The following FOXN3 variants were observed in gnomAD, a reference collection of about 807,000 sequenced individuals.
FOXN3 encodes the protein forkhead box N3.
FOXN3 carries 7 observed loss-of-function variants against 38.4 expected under a neutral mutation model. The observed-to-expected ratio is 0.18, with a 90% CI of 0.10 to 0.34. The LOEUF is 0.34. Among genes scored for constraint, FOXN3 ranks in the 10% least tolerant of loss-of-function variants. The pLI, the probability that FOXN3 is intolerant of heterozygous loss-of-function variation, is 1.00. For missense variants in FOXN3, 456 were observed against 613.4 expected, an observed-to-expected ratio of 0.74 and a Z score of 2.71; for synonymous variants, 230 against 242.2, an observed-to-expected ratio of 0.95 and a Z score of 0.47.
intron 1 of FOXN3, among the ~76,000 whole-genome samples, chr14:89,581,250 G>C (rs1383483117): frequency 6.6e-6 from 1 of 152,040 alleles, no homozygotes; most frequent in African/African-American, 2.4e-5. Context: ...GGGAGGCTGA[G>C]GGGGGAGTAT....
chr14:89,321,999 T>G, intron 3 of FOXN3, among the ~76,000 whole-genome samples: 1 of 152,192 alleles, frequency 6.6e-6, no homozygotes, highest in East Asian at 1.9e-4. Context: ...TCATTTCAAA[T>G]CCTTTTACCC....
chr14:89,486,945 A>G (rs1047816367), intron 1 of FOXN3, among the ~76,000 whole-genome samples: 1 of 152,174 alleles, frequency 6.6e-6, no homozygotes, highest in Admixed American at 6.5e-5. Flanking sequence ...TTTTGCTACA[A>G]CTGCCATTGA....
At chr14:89,604,802 G>A (rs1032310161) in intron 1 of FOXN3, among the ~76,000 whole-genome samples, 9 of 152,190 alleles carry the variant, frequency 5.9e-5, no homozygotes, top group African/African-American at 1.4e-4. Context: ...TACTCTTGGA[G>A]AAAGAATACC....
At chr14:89,541,606 C>T (rs573804416) in intron 1 of FOXN3, among the ~76,000 whole-genome samples, 6 of 152,294 alleles carry the variant, frequency 3.9e-5, no homozygotes, top group African/African-American at 1.2e-4. Context: ...CAGCCAGCAG[C>T]CCTCGCAGCT....
chr14:89,274,356 C>CTA (rs1886237662), intron 4 of FOXN3, among the ~76,000 whole-genome samples: 1 of 152,152 alleles, frequency 6.6e-6, no homozygotes, highest in African/African-American at 2.4e-5. Flanking sequence ...TGGAATATAC[C>CTA]TATGAGAATG....
intron 4 of FOXN3, chr14:89,183,933 A>C (rs1887738050): frequency 6.6e-6 from 1 of 152,180 alleles, no homozygotes. Flanking sequence ...TGGGGGACAA[A>C]AATGATATTT....
chr14:89,419,691 G>A (rs1891851488), upstream of FOXN3: 1 of 153,212 alleles, frequency 6.5e-6, no homozygotes, highest in African/African-American at 2.4e-5. Flanking sequence ...ATCAGCGTGG[G>A]ACCTCAGTTC....
rs1896217881 is a variant in FOXN3, at chr14:89,604,223, ACACAC to A, written c.-15+14800_-15+14804del. Among the ~76,000 whole-genome samples, 3 of 148,112 alleles carry A rather than the reference ACACAC, an allele frequency of 2.0e-5. No homozygotes were observed. In the South Asian group the frequency reaches 6.4e-4, roughly 32 times the overall value. ...CAAAACAAAACACACACACACACAC[ACACAC>A]ACACACACACACGTGCGCGCACACA... On this transcript the variant is annotated intron_variant, in intron 1 of 6. Coordinates refer to the FOXN3 transcript ENST00000345097.
Position 89,167,508 on chromosome 14 carries a change from T to C in FOXN3, c.852-4539A>G, listed in dbSNP as rs7161636. 2.5e-3 allele frequency among the ~76,000 whole-genome samples: 375 copies of C among 152,310 alleles called. 5 individuals carry two copies. The highest frequency in any genetic ancestry group is 8.7e-3 in the African/African-American group (360 of 41,576). The stretch of plus-strand genomic sequence containing the variant: ...AAATGTGAAAAGTAGATGGGATTAA[T>C]GGGATTGTAGAAGCAGGGGACTGGA... On this transcript the variant is annotated intron_variant, in intron 5 of 5. Coordinates refer to ENST00000557258, the MANE Select transcript of FOXN3 (RefSeq NM_005197.4).
chr14:89,224,552 C>T (rs1735670951), intron 4 of FOXN3, among the ~76,000 whole-genome samples: 1 of 152,190 alleles, frequency 6.6e-6, no homozygotes, highest in Non-Finnish European at 1.5e-5. Context: ...TCAATAACAA[C>T]TTATTGAGGC....
intron 4 of FOXN3, among the ~76,000 whole-genome samples, chr14:89,224,902 G>T (rs535501117): frequency 6.6e-6 from 1 of 150,814 alleles, no homozygotes; most frequent in Non-Finnish European, 1.5e-5. Flanking sequence ...AGGCCGAGGC[G>T]GGCGGATCAC....
At chr14:89,531,520 C>T (rs943616338) in intron 1 of FOXN3, among the ~76,000 whole-genome samples, 1 of 152,198 alleles carries the variant, frequency 6.6e-6, no homozygotes, top group African/African-American at 2.4e-5. Flanking sequence ...TTCTTTAGGA[C>T]TTTCTCTTTC....
chr14:89,553,122 C>G (rs1895040482), intron 1 of FOXN3, among the ~76,000 whole-genome samples: 1 of 151,628 alleles, frequency 6.6e-6, no homozygotes, highest in African/African-American at 2.4e-5. Context: ...GCCTGTGGTC[C>G]CAGCTACTAG....
intron 1 of FOXN3, among the ~76,000 whole-genome samples, chr14:89,451,578 G>A (rs781222312): frequency 6.6e-5 from 10 of 152,166 alleles, no homozygotes; most frequent in Non-Finnish European, 1.2e-4. Flanking sequence ...GTCAGCTTGA[G>A]AACTGGTCAG....
At chr14:89,365,133 G>A (rs1402165851) in intron 2 of FOXN3, among the ~76,000 whole-genome samples, 6 of 152,050 alleles carry the variant, frequency 3.9e-5, no homozygotes, top group South Asian at 2.1e-4. Context: ...TCTCTGTTCC[G>A]TTACTCACTA....
At chr14:89,431,999 G>A (rs1221897550) in intron 1 of FOXN3, among the ~76,000 whole-genome samples, 1 of 152,230 alleles carries the variant, frequency 6.6e-6, no homozygotes, top group Non-Finnish European at 1.5e-5. Context: ...ACAGGCGTGA[G>A]CCACCACGCC....
At chr14:89,171,394 A>T (rs1256702546) in intron 5 of FOXN3, among the ~76,000 whole-genome samples, 1 of 152,214 alleles carries the variant, frequency 6.6e-6, no homozygotes, top group African/African-American at 2.4e-5. Context: ...ATAAACTCTG[A>T]AAGAATGAAT....
intron 4 of FOXN3, among the ~76,000 whole-genome samples, chr14:89,279,626 A>T (rs900796505): frequency 6.6e-6 from 1 of 152,208 alleles, no homozygotes; most frequent in Non-Finnish European, 1.5e-5. Flanking sequence ...AACAGAATAG[A>T]TTTTTTTAAA....
At chr14:89,209,057 G>A (rs970841298) in intron 4 of FOXN3, among the ~76,000 whole-genome samples, 5 of 152,202 alleles carry the variant, frequency 3.3e-5, no homozygotes, top group Non-Finnish European at 5.9e-5. Flanking sequence ...ACCTTCCACG[G>A]ATATTTGGAA....
Sources: gnomAD v4.1 joint callset for allele counts (sites outside exome capture counted in the v4.1 genomes callset) on GRCh38, gnomAD v4.1.1 for gene constraint, MANE v1.5 for transcripts, NCBI Gene and HGNC (gene_info 2026-07-23, HGNC 2026-07-21) for gene names.